The following RGS6 variants were observed in gnomAD, a reference collection of about 807,000 sequenced individuals.
RGS6 encodes the protein regulator of G protein signaling 6, also known as regulator of G-protein signaling 6.
A neutral mutation model predicts 78.5 loss-of-function variants in RGS6; 30 were observed. That is an observed-to-expected ratio of 0.38 (90% CI 0.29 to 0.52). The LOEUF is 0.52. RGS6 is among the 20% of genes least tolerant of loss of function. The pLI is 0.85. For missense variants in RGS6, 495 were observed against 609.7 expected (o/e 0.81, Z 1.98); for synonymous variants, 206 against 206.0 (o/e 1.00, Z 0.00).
chr14:72,259,398 T>C (rs1299179149), intron 2 of RGS6, among the ~76,000 whole-genome samples: 1 of 152,158 alleles, frequency 6.6e-6, no homozygotes, highest in Non-Finnish European at 1.5e-5. Context: ...TTTTATTTCC[T>C]ACTTGGCATT....
intron 3 of RGS6, among the ~76,000 whole-genome samples, chr14:72,411,565 T>C (rs2093415860): frequency 6.6e-6 from 1 of 152,214 alleles, no homozygotes; most frequent in African/African-American, 2.4e-5. Flanking sequence ...TATTTCCTTC[T>C]CCTGCCTGAT....
intron 1 of RGS6, among the ~76,000 whole-genome samples, chr14:71,937,926 G>A (rs995633593): frequency 6.6e-6 from 1 of 152,180 alleles, no homozygotes; most frequent in African/African-American, 2.4e-5. Context: ...CTCTGCTGCT[G>A]GCAATTTGGG....
intron 3 of RGS6, among the ~76,000 whole-genome samples, chr14:72,422,342 A>C (rs977942238): frequency 1.1e-4 from 16 of 152,236 alleles, no homozygotes; most frequent in Admixed American, 3.9e-4. Flanking sequence ...CATCTGAGTT[A>C]TGCTATAATA....
chr14:72,115,912 A>C (rs2095874923), intron 2 of RGS6, among the ~76,000 whole-genome samples: 1 of 152,204 alleles, frequency 6.6e-6, no homozygotes, highest in African/African-American at 2.4e-5. Context: ...CTGTTTTATA[A>C]GGGCCAGCCT....
intron 2 of RGS6, among the ~76,000 whole-genome samples, chr14:72,069,634 G>C (rs976337745): frequency 6.6e-6 from 1 of 151,966 alleles, no homozygotes; most frequent in African/African-American, 2.4e-5. Context: ...GACCTCCCTG[G>C]GCTCAGATGA....
chr14:71,915,723 G>T, the RGS6 span, among the ~76,000 whole-genome samples: 6 of 152,152 alleles, frequency 3.9e-5, no homozygotes, highest in African/African-American at 1.4e-4. Flanking sequence ...TGGGTCTCCC[G>T]TGCTCCCTGC....
chr14:72,097,380 C>CAGGA (rs10625295), intron 2 of RGS6, among the ~76,000 whole-genome samples: 17,659 of 152,144 alleles, frequency 0.12, 1,080 homozygotes, highest in African/African-American at 0.14. Context: ...CACAGGGTTA[C>CAGGA]AGGAAGCACA....
chr14:72,216,437 C>T (rs138392205), intron 2 of RGS6, among the ~76,000 whole-genome samples: 207 of 152,270 alleles, frequency 1.4e-3, no homozygotes, highest in African/African-American at 4.4e-3. Flanking sequence ...TGTAAGGCAC[C>T]GCACCAACAC....
intron 2 of RGS6, among the ~76,000 whole-genome samples, chr14:72,155,561 T>A (rs527464491): frequency 2.0e-5 from 3 of 152,330 alleles, no homozygotes; most frequent in Non-Finnish European, 4.4e-5. Context: ...CCCACATTAA[T>A]GAGCTGGGCT....
chr14:72,250,838 G>T (rs1168330668), intron 2 of RGS6, among the ~76,000 whole-genome samples: 1 of 152,146 alleles, frequency 6.6e-6, no homozygotes, highest in Non-Finnish European at 1.5e-5. Context: ...TTTATCCAGG[G>T]TTAGATCCTG....
At chr14:72,500,571 T>C (rs77726530) in intron 13 of RGS6, among the ~76,000 whole-genome samples, 62 of 152,326 alleles carry the variant, frequency 4.1e-4, no homozygotes, top group African/African-American at 1.5e-3. Context: ...AGATAACAAA[T>C]GTAGCAAGGT....
the RGS6 span, among the ~76,000 whole-genome samples, chr14:71,882,919 C>A: frequency 6.6e-6 from 1 of 152,172 alleles, no homozygotes; most frequent in Non-Finnish European, 1.5e-5. Flanking sequence ...AGAGCTGGTT[C>A]TGGGTCAAAC....
upstream of RGS6, among the ~76,000 whole-genome samples, chr14:71,931,325 G>A (rs985044653): frequency 2.9e-4 from 44 of 151,916 alleles, no homozygotes; most frequent in African/African-American, 1.0e-3. Flanking sequence ...CATTCGACGT[G>A]AAGGCTTCAG....
At chr14:72,158,611 G>A (rs1156333015) in intron 2 of RGS6, among the ~76,000 whole-genome samples, 1 of 152,006 alleles carries the variant, frequency 6.6e-6, no homozygotes, top group Non-Finnish European at 1.5e-5. Context: ...GTCACCTCCT[G>A]GTACCTGTTA....
At chr14:72,181,183 T>A (rs2097169380) in intron 2 of RGS6, among the ~76,000 whole-genome samples, 1 of 152,242 alleles carries the variant, frequency 6.6e-6, no homozygotes, top group African/African-American at 2.4e-5. Context: ...GAGAAAGCTA[T>A]TGTTAAAATA....
intron 2 of RGS6, among the ~76,000 whole-genome samples, chr14:71,998,641 C>A (rs1002012191): frequency 6.6e-6 from 1 of 152,242 alleles, no homozygotes; most frequent in Non-Finnish European, 1.5e-5. Flanking sequence ...GCATGGCCCT[C>A]ATCTCACTTC....
At chr14:72,260,004 T>C (rs779339771) in intron 2 of RGS6, among the ~76,000 whole-genome samples, 6 of 151,998 alleles carry the variant, frequency 3.9e-5, no homozygotes, top group Non-Finnish European at 7.4e-5. Flanking sequence ...TAGCAAGTAG[T>C]TTACCCAGAG....
rs933847953 is a variant in RGS6 at position 72,550,340 on chromosome 14, G to A, written c.1422+10246G>A. On this transcript the variant is annotated intron_variant, in intron 17 of 17. Transcript: ENST00000553525. Reference sequence around the variant, plus strand: ...AGAGGTGGGGGAGAGGGAAGGCAGGGAGGCAGAGGGCACCTGTACTTAGTG... The same window carrying A: ...AGAGGTGGGGGAGAGGGAAGGCAGGAAGGCAGAGGGCACCTGTACTTAGTG... 3.8e-6 allele frequency: 3 copies of A among 799,216 alleles called. No homozygotes were observed. The African/African-American group carries it at 5.1e-5, about 14-fold the overall frequency. 49.5% of individuals were successfully genotyped at this position (799,216 alleles called of 1,614,324 possible).
Position 71,990,762 on chromosome 14 carries a change from A to G in RGS6, c.84+25887A>G, listed in dbSNP as rs543863132. On this transcript the variant is annotated intron_variant, in intron 2 of 17. Transcript: ENST00000553525. ...TCCCCAAATTGCTATCCTCTCTCCA[A>G]ACTCCAAATGCCTATATCCAGCTAC... The G allele has an allele frequency of 4.6e-5, 21 of 455,950 alleles. No homozygotes were observed. The East Asian group carries it at 1.4e-3, about 30-fold the overall frequency. 28.2% of individuals were successfully genotyped at this position (455,950 alleles called of 1,614,324 possible). A position where few individuals can be genotyped will look rare whatever the true frequency, so the allele number is the denominator to read the frequency against.
Sources: gnomAD v4.1 joint callset for allele counts (sites outside exome capture counted in the v4.1 genomes callset) on GRCh38, gnomAD v4.1.1 for gene constraint, MANE v1.5 for transcripts, NCBI Gene and HGNC (gene_info 2026-07-23, HGNC 2026-07-21) for gene names.